The following CYP2U1 variants were observed in gnomAD, a reference collection of about 807,000 sequenced individuals.
The protein encoded by CYP2U1 is cytochrome P450 2U1.
CYP2U1 carries 28 observed loss-of-function variants against 42.8 expected under a neutral mutation model. The ratio of observed to expected loss-of-function variants is 0.65; its 90% confidence interval spans 0.48 to 0.90. The LOEUF (loss-of-function observed/expected upper bound fraction) is 0.90, where lower values mean the gene tolerates loss of function less well. Among genes scored for constraint, CYP2U1 ranks in the 40% least tolerant of loss-of-function variants. CYP2U1 has a pLI of 0.00. For missense variants in CYP2U1, 642 were observed against 693.8 expected (o/e 0.93, Z 0.84); for synonymous variants, 296 against 278.9 (o/e 1.06, Z -0.61).
intron 1 of CYP2U1, chr4:107,940,437 A>G (rs1338345067): frequency 6.6e-6 from 1 of 152,040 alleles, no homozygotes; most frequent in Non-Finnish European, 1.5e-5. Context: ...TAAACAAATT[A>G]GTTTTTTTAC....
intron 4 of CYP2U1, among the ~76,000 whole-genome samples, chr4:107,949,863 C>A (rs1012810477): frequency 6.6e-6 from 1 of 152,078 alleles, no homozygotes; most frequent in Non-Finnish European, 1.5e-5. Context: ...AGATTAGGAA[C>A]ATAGAATTCT....
At chr4:107,933,304 G>A (rs545603804) in intron 1 of CYP2U1, among the ~76,000 whole-genome samples, 1 of 152,298 alleles carries the variant, frequency 6.6e-6, no homozygotes, top group South Asian at 2.1e-4. Context: ...ATTAAGGTGT[G>A]CACTTAAAAA....
In CYP2U1 at chr4:107,931,581, G is replaced by A. The variant is rs1276765402; in HGVS notation, c.-63G>A. The A allele has an allele frequency of 2.5e-6, 3 of 1,221,766 alleles. No homozygotes were observed. The highest frequency in any genetic ancestry group is 2.0e-6 in the Non-Finnish European group (2 of 981,334). 75.7% of individuals were successfully genotyped at this position (1,221,766 alleles called of 1,614,324 possible). On this transcript the variant is annotated 5_prime_UTR_variant, in exon 1 of 5. Transcript: ENST00000332884. ...AGCAGGACACTGGCGCCGCGGGTCA[G>A]GCAGCTGCGTGCGCGTCTCCTCCAG...
Position 107,931,774 on chromosome 4 carries a change from C to A in CYP2U1, c.131C>A (p.Ala44Glu). ...GGALLLCGLV[A>E]LLGWSWLRRR... ...GCGCTGCTGCTATGCGGCCTCGTAG[C>A]GCTGCTGGGCTGGAGCTGGCTGCGG... The change falls in exon 1 of 5, where the codon GCG becomes GAG. Residue 44 changes from alanine (A) to glutamate (E), a missense_variant. By Grantham distance (107) the Ala-to-Glu change is moderately radical. Coordinates refer to ENST00000332884, the MANE Select transcript of CYP2U1 (RefSeq NM_183075.3). 1.3e-6 allele frequency: 2 copies of A among 1,490,754 alleles called. No homozygotes were observed. The highest frequency in any genetic ancestry group is 1.8e-6 in the Non-Finnish European group (2 of 1,125,956). 92.3% of individuals were successfully genotyped at this position (1,490,754 alleles called of 1,614,324 possible).
chr4:107,948,557 AGAGT>A (rs1733793721), intron 3 of CYP2U1, among the ~76,000 whole-genome samples: 1 of 152,098 alleles, frequency 6.6e-6, no homozygotes, highest in Non-Finnish European at 1.5e-5. Context: ...CCTGGGTGAC[AGAGT>A]GAGACAGCCT....
rs752782576 is a variant in CYP2U1 at position 107,944,999 on chromosome 4, T to G, written c.520T>G (p.Trp174Gly). 4 of 1,613,408 alleles carry G rather than the reference T, an allele frequency of 2.5e-6. No individual in the cohort carries two copies. In the East Asian group the frequency reaches 8.9e-5, roughly 36 times the overall value. Residue 174 changes from tryptophan (W) to glycine (G), a missense_variant, in exon 2 of 5, where the codon TGG becomes GGG. Physicochemically the swap from Trp to Gly is radical, Grantham distance 184. Coordinates refer to ENST00000332884, the MANE Select transcript of CYP2U1 (RefSeq NM_183075.3). ...TGTGTTTGCACATTATGGTCCCGTC[T>G]GGAGACAACAAAGGAAGTTCTCTCA... ...GVVFAHYGPV[W>G]RQQRKFSHST...
At chr4:107,936,815 C>T (rs1234541836) in intron 1 of CYP2U1, among the ~76,000 whole-genome samples, 1 of 152,156 alleles carries the variant, frequency 6.6e-6, no homozygotes, top group Non-Finnish European at 1.5e-5. Context: ...TCTTCTAAAA[C>T]TTGCCTATGT....
Position 107,948,824 on chromosome 4 carries a change from G to A in CYP2U1, c.1289-526G>A, listed in dbSNP as rs1038045440. Among the ~76,000 whole-genome samples, 3 of 151,988 alleles carry A rather than the reference G, an allele frequency of 2.0e-5. No homozygotes were observed. In the East Asian group the frequency reaches 5.8e-4, roughly 29 times the overall value. On this transcript the variant is annotated intron_variant, in intron 3 of 4. Transcript: ENST00000332884. ...TATACATGACATTGGATCACTTAAC[G>A]GGTTTTTTTTGGTACAAGTTAGATA...
rs2126199461 is a variant in CYP2U1 at position 107,945,343 on chromosome 4, A to G, written c.864A>G (p.Arg288=). 2.5e-6 allele frequency: 4 copies of G among 1,614,140 alleles called. No homozygotes were observed. The highest frequency in any genetic ancestry group is 3.4e-6 in the Non-Finnish European group (4 of 1,180,030). The part of the protein sequence containing the change: ...YLPFGPFKEL[R]QIEKDITSFL... ...CCTTTGGACCATTTAAGGAATTAAG[A>G]CAAATTGAAAAGGATATAACCAGTT... Residue 288 remains arginine (R), a synonymous_variant, in exon 2 of 5, where the codon AGA becomes AGG. Transcript: ENST00000332884.
chr4:107,934,496 C>T (rs1733178672), intron 1 of CYP2U1, among the ~76,000 whole-genome samples: 1 of 152,104 alleles, frequency 6.6e-6, no homozygotes, highest in African/African-American at 2.4e-5. Flanking sequence ...AGCCTCTTAA[C>T]CGACCTGCTT....
At chr4:107,933,513 TC>T (rs1450922185) in intron 1 of CYP2U1, among the ~76,000 whole-genome samples, 3 of 152,228 alleles carry the variant, frequency 2.0e-5, no homozygotes, top group Non-Finnish European at 4.4e-5. Flanking sequence ...ATGATCTTTA[TC>T]CCTACTCATT....
intron 1 of CYP2U1, 79 bp downstream of exon 1, chr4:107,932,212 G>A (rs1733027778): frequency 2.0e-6 from 3 of 1,481,606 alleles, no homozygotes; most frequent in Admixed American, 2.2e-5. Flanking sequence ...CAGTTCCTGT[G>A]CCCCTTCCGG....
chr4:107,950,578 A>C lies in CYP2U1; in HGVS notation c.*155A>C. On this transcript the variant is annotated 3_prime_UTR_variant, in exon 5 of 5. Transcript: ENST00000332884. ...AGGGTAGAGCACACTGGGAGGTTTC[A>C]TCTTGGAGGATTCCTCAGCAGGATA... 2 of 656,114 alleles carry C rather than the reference A, an allele frequency of 3.0e-6. No individual in the cohort carries two copies. The highest frequency in any genetic ancestry group is 4.7e-6 in the Non-Finnish European group (2 of 423,032). The allele number at this position is 656,114 out of a possible 1,614,324, so 40.6% of individuals were successfully genotyped here. A position where few individuals can be genotyped will look rare whatever the true frequency, so the allele number is the denominator to read the frequency against.
chr4:107,951,959 T>TGG lies in CYP2U1; in HGVS notation c.*1536_*1537insGG, dbSNP rs1733923773. The stretch of plus-strand genomic sequence containing the variant: ...ACTGGTCTCTGTGACTAAAGAACAC[T>TGG]TTCAGAACCACTTCTTGATTCTGCC... On this transcript the variant is annotated 3_prime_UTR_variant, in exon 5 of 5. Transcript: ENST00000332884. The TGG allele has an allele frequency of 6.6e-6, 1 of 152,212 alleles. No homozygotes were observed. Among genetic ancestry groups the TGG allele is most frequent in the African/African-American group, 2.4e-5 (1 of 41,436 alleles). The allele number at this position is 152,212 out of a possible 1,614,324, so 9.4% of individuals were successfully genotyped here. A position where few individuals can be genotyped will look rare whatever the true frequency, so the allele number is the denominator to read the frequency against.
chr4:107,947,779 C>G lies in CYP2U1; in HGVS notation c.1288+242C>G, dbSNP rs1184765967. 3.3e-5 allele frequency among the ~76,000 whole-genome samples: 5 copies of G among 152,332 alleles called. No individual in the cohort carries two copies. The East Asian group carries it at 9.6e-4, about 29-fold the overall frequency. On this transcript the variant is annotated intron_variant, in intron 3 of 4. Transcript: ENST00000332884. ...AGTTCTGTAGCCTTCAGAGCATACA[C>G]AATTATACTGGCAAAACAAATAATG... is the stretch of plus-strand genomic sequence containing the variant.
At chr4:107,939,478 CTA>C in intron 1 of CYP2U1, among the ~76,000 whole-genome samples, 1 of 152,196 alleles carries the variant, frequency 6.6e-6, no homozygotes, top group African/African-American at 2.4e-5. Context: ...AGAACACACT[CTA>C]TCCACATTGA....
chr4:107,939,274 C>T lies in CYP2U1; in HGVS notation c.491-5696C>T, dbSNP rs368520792. ...AAGAGGAGGCCCACCAACACTTGGCCTCTGAATACTCTGCAGCAGAAGACT... is the reference window on the plus strand; with the variant it reads ...AAGAGGAGGCCCACCAACACTTGGCTTCTGAATACTCTGCAGCAGAAGACT... On this transcript the variant is annotated intron_variant, in intron 1 of 4. Coordinates refer to ENST00000332884, the MANE Select transcript of CYP2U1 (RefSeq NM_183075.3). 7.2e-5 allele frequency among the ~76,000 whole-genome samples: 11 copies of T among 152,270 alleles called. No homozygotes were observed. In the East Asian group the frequency reaches 7.7e-4, roughly 11 times the overall value.
rs1733740088 is a variant in CYP2U1 at position 107,947,466 on chromosome 4, C to T, written c.1217C>T (p.Thr406Ile). The change falls in exon 3 of 5, where the codon ACC becomes ATC. Residue 406 changes from threonine to isoleucine, a missense_variant. Physicochemically the swap from Thr to Ile is moderately conservative, Grantham distance 89. Transcript: ENST00000332884. ...DKAQMPYTEA[T>I]IMEVQRLTVV... ...GCCCAGATGCCCTACACAGAAGCCA[C>T]CATCATGGAAGTGCAGAGGCTAACT... is the stretch of plus-strand genomic sequence containing the variant. 1 of 1,614,042 alleles carries T rather than the reference C, an allele frequency of 6.2e-7. No individual in the cohort carries two copies. The highest frequency in any genetic ancestry group is 1.7e-5 in the Admixed American group (1 of 59,988).
At chr4:107,944,523 C>T (rs1715776613) in intron 1 of CYP2U1, among the ~76,000 whole-genome samples, 1 of 150,482 alleles carries the variant, frequency 6.6e-6, no homozygotes, top group South Asian at 2.1e-4. Flanking sequence ...CCAAGCTGGT[C>T]TGGAACTCCT....
Sources: allele counts gnomAD v4.1 joint callset (sites outside exome capture counted in the v4.1 genomes callset), GRCh38; gene constraint gnomAD v4.1.1; transcripts MANE v1.5; gene names NCBI Gene and HGNC (gene_info 2026-07-23, HGNC 2026-07-21).